USP25: variants seen among roughly 807,000 people sequenced by gnomAD.
The protein encoded by USP25 is ubiquitin carboxyl-terminal hydrolase 25.
In USP25, 85 loss-of-function variants were observed where a neutral mutation model predicts 158.5. The observed-to-expected ratio is 0.54, with a 90% CI of 0.45 to 0.64. The LOEUF (loss-of-function observed/expected upper bound fraction) is 0.64, where lower values mean the gene tolerates loss of function less well. Among genes scored for constraint, USP25 ranks in the 30% least tolerant of loss-of-function variants. The probability of loss-of-function intolerance (pLI) is 0.00; values close to 1 mark genes in which losing one functional copy is unlikely to be tolerated. For missense variants in USP25, 1,242 were observed against 1,327.3 expected, an observed-to-expected ratio of 0.94 and a Z score of 1.00; for synonymous variants, 464 against 460.4, an observed-to-expected ratio of 1.01 and a Z score of -0.10.
In USP25 at chr21:15,812,650, C is replaced by CA. The variant is rs557050769; in HGVS notation, c.931+1456dup. Among the ~76,000 whole-genome samples, 629 of 106,984 alleles carry CA rather than the reference C, an allele frequency of 5.9e-3. 6 individuals are homozygous for CA. The highest frequency in any genetic ancestry group is 0.011 in the African/African-American group (369 of 32,172). 70.2% of individuals were successfully genotyped at this position (106,984 alleles called of 152,430 possible). A position where few individuals can be genotyped will look rare whatever the true frequency, so the allele number is the denominator to read the frequency against. Reference sequence around the variant, plus strand: ...TGGGAGACAGAGCGAGACTCCGTCTCAAAAAAAAAAAAAAAATTAATTTGT... The same window carrying CA: ...TGGGAGACAGAGCGAGACTCCGTCTCAAAAAAAAAAAAAAAAATTAATTTGT... On this transcript the variant is annotated intron_variant, in intron 9 of 25. Coordinates refer to ENST00000400183, the MANE Select transcript of USP25 (RefSeq NM_001283041.3).
At chr21:15,872,972 A>G (rs893463871) in intron 23 of USP25, among the ~76,000 whole-genome samples, 1 of 152,194 alleles carries the variant, frequency 6.6e-6, no homozygotes, top group African/African-American at 2.4e-5. Context: ...AACTGACGCA[A>G]AGGAAATATT....
intron 24 of USP25, chr21:15,877,232 G>A (rs1326149221): frequency 1.3e-5 from 2 of 152,260 alleles, no homozygotes; most frequent in African/African-American, 4.8e-5. Flanking sequence ...CAAATTGTAA[G>A]CTCCATGAGA....
intron 16 of USP25, among the ~76,000 whole-genome samples, 164 bp from the exon 17 acceptor site, chr21:15,833,184 T>A (rs1362905344): frequency 6.6e-6 from 1 of 152,230 alleles, no homozygotes; most frequent in Non-Finnish European, 1.5e-5. Flanking sequence ...AAAAGTTTTG[T>A]AGATAATAAT....
intron 5 of USP25, among the ~76,000 whole-genome samples, chr21:15,797,358 G>T (rs1436086004): frequency 6.6e-6 from 1 of 151,210 alleles, no homozygotes; most frequent in Non-Finnish European, 1.5e-5. Flanking sequence ...TAGACAAAGA[G>T]AAATCCTAAA....
intron 14 of USP25, among the ~76,000 whole-genome samples, chr21:15,827,979 A>G (rs1171675953): frequency 6.6e-6 from 1 of 151,938 alleles, no homozygotes; most frequent in Non-Finnish European, 1.5e-5. Context: ...TTTTCCTTAA[A>G]TGTGAAAATA....
chr21:15,749,024 A>C (rs878948672), intron 1 of USP25, among the ~76,000 whole-genome samples: 4 of 149,102 alleles, frequency 2.7e-5, no homozygotes, highest in African/African-American at 9.8e-5. Context: ...TTTTTTTTTT[A>C]ATTTTTTTTT....
intron 10 of USP25, among the ~76,000 whole-genome samples, chr21:15,820,276 G>A (rs777379269): frequency 5.3e-5 from 8 of 151,770 alleles, no homozygotes; most frequent in Non-Finnish European, 1.0e-4. Flanking sequence ...AATACACTAT[G>A]GTTTATTGGT....
intron 20 of USP25, among the ~76,000 whole-genome samples, chr21:15,851,326 C>T (rs2038878090): frequency 6.6e-6 from 1 of 152,110 alleles, no homozygotes; most frequent in East Asian, 1.9e-4. Context: ...TGGATAATGA[C>T]TTTCAGTTAT....
In USP25 at chr21:15,730,428, C is replaced by T. The variant is rs2030683615; in HGVS notation, c.35C>T (p.Ala12Val). 1.5e-6 allele frequency: 2 copies of T among 1,366,156 alleles called. No individual in the cohort carries two copies. The highest frequency in any genetic ancestry group is 3.1e-5 in the Admixed American group (1 of 32,566). 84.6% of individuals were successfully genotyped at this position (1,366,156 alleles called of 1,614,324 possible). The change falls in exon 1 of 26, where the codon GCG (alanine) becomes GTG (valine). Residue 12 changes from alanine to valine, a missense_variant. Ala to Val is a moderately conservative substitution (Grantham distance 64). Around this residue, in one of 3 missense-constraint regions of USP25, gnomAD observed 627 missense variants for 701.4 expected, o/e 0.89. Transcript: ENST00000400183. ...GAGCAGAACGTGCTGCAGCAGAGCG[C>T]GGCGCAGAAGGTGAGGCGAGTCCGC... ...TVEQNVLQQS[A>V]AQKHQQTFLN...
chr21:15,745,694 T>G (rs565234916), intron 1 of USP25, among the ~76,000 whole-genome samples: 1 of 152,270 alleles, frequency 6.6e-6, no homozygotes, highest in East Asian at 1.9e-4. Context: ...CAGCCTGGTC[T>G]CGAACTCGCG....
At chr21:15,809,231 C>T (rs1799484494) in intron 8 of USP25, among the ~76,000 whole-genome samples, 1 of 152,104 alleles carries the variant, frequency 6.6e-6, no homozygotes, top group Non-Finnish European at 1.5e-5. Context: ...TATGAAGTAG[C>T]AGTGCATGTG....
At chr21:15,870,989 C>T (rs953505790) in intron 23 of USP25, among the ~76,000 whole-genome samples, 3 of 152,194 alleles carry the variant, frequency 2.0e-5, no homozygotes, top group Non-Finnish European at 4.4e-5. Context: ...ACACCGGCCA[C>T]GTTTCAGTAG....
At chr21:15,853,278 C>T (rs1026935961) in intron 20 of USP25, among the ~76,000 whole-genome samples, 2 of 152,062 alleles carry the variant, frequency 1.3e-5, no homozygotes, top group Non-Finnish European at 2.9e-5. Flanking sequence ...TGTATACACA[C>T]ATACACATGT....
At chr21:15,812,014 C>T (rs2036685199) in intron 9 of USP25, among the ~76,000 whole-genome samples, 2 of 151,984 alleles carry the variant, frequency 1.3e-5, no homozygotes. Context: ...CAGAAAAAGA[C>T]AATACTAACT....
chr21:15,845,238 C>T (rs1601105029), intron 18 of USP25, among the ~76,000 whole-genome samples: 1 of 152,200 alleles, frequency 6.6e-6, no homozygotes, highest in African/African-American at 2.4e-5. Flanking sequence ...TAATGGATTT[C>T]AGGCAAGTCA....
intron 18 of USP25, among the ~76,000 whole-genome samples, chr21:15,845,860 C>T (rs962456824): frequency 2.0e-5 from 3 of 151,878 alleles, no homozygotes; most frequent in African/African-American, 7.3e-5. Context: ...GGACCAAGCA[C>T]ATCTCTGTAG....
chr21:15,842,441 AAG>A lies in USP25; in HGVS notation c.2239_2240del (p.Ser747Ter). ...CAGAATATCTAGAGCAGCCATCAAG[AAG>A]TGATTTCTCAAAGCACTTGAAAGAA... Reference protein sequence around the residue: ...DPEYLEQPSRSDFSKHLKEET... With the variant: ...DPEYLEQPSRXDFSKHLKEET... On this transcript the variant is annotated frameshift_variant, in exon 18 of 26. Transcript: ENST00000400183. LOFTEE classifies it high-confidence loss of function. The A allele has an allele frequency of 6.2e-7, 1 of 1,613,810 alleles. No individual in the cohort carries two copies. The highest frequency in any genetic ancestry group is 8.5e-7 in the Non-Finnish European group (1 of 1,179,790).
rs1245753917 is a variant in USP25 at position 15,871,969 on chromosome 21, C to T, written c.2885+1822C>T. Among the ~76,000 whole-genome samples the T allele has an allele frequency of 7.3e-5, 10 of 137,782 alleles. No homozygotes were observed. The South Asian group carries it at 1.1e-3, about 16-fold the overall frequency. The allele number at this position is 137,782 out of a possible 152,430, so 90.4% of individuals were successfully genotyped here. ...TCGCGCCACTGCACTCCAGCCTGGG[C>T]GACAGAGCGAGACACTGTCTCAAAA... On this transcript the variant is annotated intron_variant, in intron 23 of 25. Transcript: ENST00000400183.
intron 1 of USP25, among the ~76,000 whole-genome samples, chr21:15,752,915 T>C (rs1456984691): frequency 2.0e-5 from 3 of 152,238 alleles, no homozygotes; most frequent in Non-Finnish European, 4.4e-5. Context: ...ATATGCAGCA[T>C]ACCTGAACCA....
Sources: gnomAD v4.1 joint callset for allele counts (sites outside exome capture counted in the v4.1 genomes callset) on GRCh38, gnomAD v4.1.1 for gene constraint, gnomAD v4.1.1 regional missense constraint, MANE v1.5 for transcripts, NCBI Gene and HGNC (gene_info 2026-07-23, HGNC 2026-07-21) for gene names.